DHX29: variants seen among roughly 807,000 people sequenced by gnomAD.
DHX29 encodes ATP-dependent RNA helicase DHX29.
A neutral mutation model predicts 167.9 loss-of-function variants in DHX29; 79 were observed. The observed-to-expected ratio is 0.47, with a 90% CI of 0.39 to 0.57. The LOEUF is 0.57. Among genes scored for constraint, DHX29 ranks in the 20% least tolerant of loss-of-function variants. DHX29 has a pLI of 0.00. For synonymous variants in DHX29, 530 were observed against 546.0 expected (o/e 0.97, Z 0.41); for missense variants, 1,347 against 1,593.4 (o/e 0.85, Z 2.63).
intron 6 of DHX29, among the ~76,000 whole-genome samples, chr5:55,292,858 C>T (rs1446397540): frequency 6.6e-6 from 1 of 152,096 alleles, no homozygotes. Flanking sequence ...TCTTTGAAGT[C>T]TTGACTTAAT....
chr5:55,295,655 A>G, intron 4 of DHX29, 131 bp from the exon 5 acceptor site: 1 of 842,842 alleles, frequency 1.2e-6, no homozygotes, highest in Non-Finnish European at 1.8e-6. Flanking sequence ...CTCATCTCCT[A>G]AGAATAGAAA....
intron 3 of DHX29, 117 bp from the exon 4 acceptor site, chr5:55,296,466 CT>C (rs375394305): frequency 6.8e-5 from 86 of 1,263,648 alleles, no homozygotes; most frequent in African/African-American, 5.8e-4. Context: ...TCAAAACTAT[CT>C]TTTTTTTCCC....
intron 18 of DHX29, 26 bp from the exon 19 acceptor site, chr5:55,270,732 A>C (rs752227235): frequency 6.3e-7 from 1 of 1,586,074 alleles, no homozygotes; most frequent in South Asian, 1.1e-5. Context: ...AGGAGAGAAT[A>C]TGTAGATAAT....
Position 55,261,482 on chromosome 5 carries a change from C to T in DHX29, c.3846G>A (p.Val1282=), listed in dbSNP as rs200446189. ...LYQEKIRYAR[V]YLRETTLITP... The stretch of plus-strand genomic sequence containing the variant: ...TTATTAGGGTAGTTTCTCTCAAATA[C>T]ACTCTGGCATACCTTATCTACATGG... Residue 1282 remains valine (V), a synonymous_variant, in exon 25 of 27, where the codon GTG becomes GTA. Transcript: ENST00000251636. 5 of 1,578,436 alleles carry T rather than the reference C, an allele frequency of 3.2e-6. No homozygotes were observed. Among genetic ancestry groups the T allele is most frequent in the African/African-American group, 1.3e-5 (1 of 74,198 alleles).
At position 55,297,436 on chromosome 5, in the gene DHX29, A is replaced by G. The variant is rs779387779; in HGVS notation, c.262-38T>C. The G allele has an allele frequency of 8.2e-6, 7 of 853,570 alleles. No individual in the cohort carries two copies. In the Admixed American group the frequency reaches 1.5e-4, roughly 19 times the overall value. 52.9% of individuals were successfully genotyped at this position (853,570 alleles called of 1,614,324 possible). ...AAAAGGTCATATCATTTAGAAGCTA[A>G]ATTATTAAAAAATTAAAAGCCAATC... On this transcript the variant is annotated intron_variant, in intron 2 of 26. Transcript: ENST00000251636.
At chr5:55,299,368 T>G (rs1408397239) in intron 1 of DHX29, among the ~76,000 whole-genome samples, 2 of 152,188 alleles carry the variant, frequency 1.3e-5, no homozygotes, top group Non-Finnish European at 2.9e-5. Flanking sequence ...TTGAAGGTGG[T>G]ATGCTAAGTG....
Position 55,302,612 on chromosome 5 carries a change from AC to A in DHX29, c.188-3949del, listed in dbSNP as rs772439294. Among the ~76,000 whole-genome samples, 1,337 of 150,202 alleles carry A rather than the reference AC, an allele frequency of 8.9e-3. 5 individuals are homozygous for A. The highest frequency in any genetic ancestry group is 0.016 in the Non-Finnish European group (1,080 of 67,436). On this transcript the variant is annotated intron_variant, in intron 1 of 26. Coordinates refer to ENST00000251636, the MANE Select transcript of DHX29 (RefSeq NM_019030.4). ...CCTATCAAAAAAAAAAAAAAAAAAAACTGGTTGGTTTTTAATTTACCCAGTT... is the reference window on the plus strand; with the variant it reads ...CCTATCAAAAAAAAAAAAAAAAAAAATGGTTGGTTTTTAATTTACCCAGTT...
Position 55,262,741 on chromosome 5 carries a change from A to G in DHX29, c.3717T>C (p.Val1239=). 6.2e-7 allele frequency: 1 copy of G among 1,614,048 alleles called. No individual in the cohort carries two copies. Among genetic ancestry groups the G allele is most frequent in the East Asian group, 2.2e-5 (1 of 44,868 alleles). Residue 1239 remains valine, a synonymous_variant, in exon 24 of 27, where the codon GTT becomes GTC. Transcript: ENST00000251636. ...CCACAATGCAAGCCAATTTTTCTGT[A>G]ACATCCACTGACTTTGTATAGATTA... The part of the protein sequence containing the change: ...GKIIYTKSVD[V]TEKLACIVET...
chr5:55,261,135 C>T (rs1387789885), intron 25 of DHX29, among the ~76,000 whole-genome samples: 2 of 152,118 alleles, frequency 1.3e-5, no homozygotes, highest in African/African-American at 4.8e-5. Flanking sequence ...AAGTACCCAA[C>T]ACATAGAAAG....
At chr5:55,294,352 G>A (rs1170917824) in intron 5 of DHX29, among the ~76,000 whole-genome samples, 3 of 152,102 alleles carry the variant, frequency 2.0e-5, no homozygotes, top group Non-Finnish European at 2.9e-5. Context: ...TACATAAAGC[G>A]GTAAAAAAGA....
chr5:55,292,941 A>T (rs1748124479), intron 6 of DHX29, among the ~76,000 whole-genome samples: 1 of 152,154 alleles, frequency 6.6e-6, no homozygotes, highest in Non-Finnish European at 1.5e-5. Context: ...TATTTTACTT[A>T]TATTAGTTTA....
intron 8 of DHX29, among the ~76,000 whole-genome samples, chr5:55,286,390 C>A (rs750616158): frequency 4.6e-5 from 7 of 152,086 alleles, no homozygotes; most frequent in Non-Finnish European, 8.8e-5. Flanking sequence ...TCTTGAGGAA[C>A]TTATGTATTC....
rs745973898 is a variant in DHX29 at position 55,267,780 on chromosome 5, T to C, written c.3337A>G (p.Thr1113Ala). The C allele has an allele frequency of 2.5e-6, 4 of 1,606,568 alleles. No individual in the cohort carries two copies. In the East Asian group the frequency reaches 6.7e-5, roughly 27 times the overall value. Reference sequence around the variant, plus strand: ...GCTTCATCTTTTCGACCAATTGGTGTGGTAAAAGGAGACTTCTCTGTCATA... The same window carrying C: ...GCTTCATCTTTTCGACCAATTGGTGCGGTAAAAGGAGACTTCTCTGTCATA... ...AVMTEKSPFT[T>A]PIGRKDEADL... is the part of the protein sequence containing the mutation. The change falls in exon 22 of 27, where the codon ACA becomes GCA. Residue 1113 changes from threonine to alanine, a missense_variant. Transcript: ENST00000251636.
At chr5:55,257,872 G>C (rs1410914429) in intron 26 of DHX29, among the ~76,000 whole-genome samples, 3 of 152,178 alleles carry the variant, frequency 2.0e-5, no homozygotes, top group Non-Finnish European at 4.4e-5. Context: ...TTTATAAAAT[G>C]TAATTCTTTC....
At chr5:55,263,043 A>T in intron 23 of DHX29, 111 bp from the exon 24 acceptor site, 2 of 817,940 alleles carry the variant, frequency 2.4e-6, no homozygotes, top group Admixed American at 5.7e-5. Context: ...GATGCTAATG[A>T]TTATTTGGCT....
rs78479032 is a variant in DHX29 at position 55,294,920 on chromosome 5, G to A, written c.651+459C>T. 2.4e-3 allele frequency: 363 copies of A among 154,142 alleles called. 3 individuals are homozygous for A. Among genetic ancestry groups the A allele is most frequent in the African/African-American group, 8.1e-3 (338 of 41,550 alleles). 9.5% of individuals were successfully genotyped at this position (154,142 alleles called of 1,614,324 possible). A position where few individuals can be genotyped will look rare whatever the true frequency, so the allele number is the denominator to read the frequency against. ...TAAAGCAGGAGTTTGATAAGAATTTGTACATTTTGGCTTATCATCTTAAAA... is the reference window on the plus strand; with the variant it reads ...TAAAGCAGGAGTTTGATAAGAATTTATACATTTTGGCTTATCATCTTAAAA... On this transcript the variant is annotated intron_variant, in intron 5 of 26. Coordinates refer to ENST00000251636, the MANE Select transcript of DHX29 (RefSeq NM_019030.4).
intron 25 of DHX29, among the ~76,000 whole-genome samples, chr5:55,260,241 T>C (rs919518289): frequency 6.6e-6 from 1 of 152,136 alleles, no homozygotes; most frequent in African/African-American, 2.4e-5. Context: ...AGGGAAATTT[T>C]TTTTTTTTGA....
intron 11 of DHX29, among the ~76,000 whole-genome samples, chr5:55,281,871 C>G (rs2111885831): frequency 6.6e-6 from 1 of 151,568 alleles, no homozygotes; most frequent in South Asian, 2.1e-4. Flanking sequence ...CTGCAACTTC[C>G]ACCTCTTGGG....
intron 1 of DHX29, among the ~76,000 whole-genome samples, chr5:55,301,728 A>G (rs866844021): frequency 6.6e-6 from 1 of 151,534 alleles, no homozygotes; most frequent in African/African-American, 2.4e-5. Context: ...AAAAAAAAAA[A>G]AAAAAAAACA....
Sources: gnomAD v4.1 joint callset for allele counts (sites outside exome capture counted in the v4.1 genomes callset) on GRCh38, gnomAD v4.1.1 for gene constraint, MANE v1.5 for transcripts, NCBI Gene and HGNC (gene_info 2026-07-23, HGNC 2026-07-21) for gene names.